Variants in MBD5 observed in about 807,000 individuals in gnomAD.
The protein encoded by MBD5 is methyl-CpG binding domain protein 5.
Under a neutral mutation model 117.3 loss-of-function variants are expected in MBD5, and 13 were observed. The observed-to-expected ratio is 0.11, with a 90% CI of 0.07 to 0.18. The LOEUF (loss-of-function observed/expected upper bound fraction) is 0.18. MBD5 is among the 10% of genes least tolerant of loss of function. MBD5 has a pLI of 1.00. For missense variants in MBD5, 1,879 were observed against 2,093.8 expected (o/e 0.90, Z 2.00); for synonymous variants, 727 against 766.4 (o/e 0.95, Z 0.85).
intron 4 of MBD5, among the ~76,000 whole-genome samples, chr2:148,344,624 T>C (rs1703040347): frequency 6.6e-6 from 1 of 151,972 alleles, no homozygotes; most frequent in Non-Finnish European, 1.5e-5. Context: ...AGCTTGAACA[T>C]TATTGGTGTA....
chr2:148,324,719 T>G (rs2106591556), intron 3 of MBD5, among the ~76,000 whole-genome samples: 1 of 152,310 alleles, frequency 6.6e-6, no homozygotes, highest in Admixed American at 6.5e-5. Flanking sequence ...GCTTATCAGC[T>G]TAAGGAGATT....
In MBD5 at chr2:148,238,378, C is replaced by G. The variant is rs540018261; in HGVS notation, c.-680+4983C>G. 5.3e-5 allele frequency among the ~76,000 whole-genome samples: 8 copies of G among 152,284 alleles called. No homozygotes were observed. The South Asian group carries it at 1.7e-3, about 32-fold the overall frequency. On this transcript the variant is annotated intron_variant, in intron 3 of 13. Coordinates refer to ENST00000642680, the MANE Select transcript of MBD5 (RefSeq NM_001378120.1). ...TGCATGGACTGTTCTAAAATTTTAA[C>G]TGAAGTCAACCACTATTATTTAGAG... is the stretch of plus-strand genomic sequence containing the variant.
At chr2:148,227,832 C>T (rs1699873615) in intron 2 of MBD5, among the ~76,000 whole-genome samples, 1 of 152,044 alleles carries the variant, frequency 6.6e-6, no homozygotes, top group South Asian at 2.1e-4. Flanking sequence ...TCCTTCACAT[C>T]CCTTGTAAGT....
chr2:148,386,260 A>G (rs2105483979), intron 4 of MBD5, among the ~76,000 whole-genome samples: 1 of 152,322 alleles, frequency 6.6e-6, no homozygotes, highest in Non-Finnish European at 1.5e-5. Flanking sequence ...ACATTCAGCC[A>G]ATGGGATCCA....
At chr2:148,102,664 TACACACACAC>T (rs113654978) in intron 1 of MBD5, among the ~76,000 whole-genome samples, 1 of 143,682 alleles carries the variant, frequency 7.0e-6, no homozygotes, top group East Asian at 2.1e-4. Context: ...TTGCTTATTT[TACACACACAC>T]ACACACACAC....
intron 1 of MBD5, among the ~76,000 whole-genome samples, chr2:148,146,296 T>C (rs1697462000): frequency 6.6e-6 from 1 of 152,130 alleles, no homozygotes; most frequent in Non-Finnish European, 1.5e-5. Context: ...GTCTTGCCCT[T>C]TTGCCCAGGC....
intron 3 of MBD5, chr2:148,296,230 C>A: frequency 5.3e-6 from 1 of 189,834 alleles, no homozygotes; most frequent in Non-Finnish European, 1.2e-5. Context: ...GTTTATCCTG[C>A]CTTCTCTCTT....
intron 1 of MBD5, among the ~76,000 whole-genome samples, chr2:148,126,977 CTTT>C (rs373037152): frequency 9.9e-5 from 13 of 130,730 alleles, no homozygotes; most frequent in Admixed American, 1.6e-4. Context: ...TTTTTTCTTT[CTTT>C]TTTTTTTTTT....
At chr2:148,386,718 C>CAAAAAAAA (rs60766324) in intron 4 of MBD5, among the ~76,000 whole-genome samples, 1 of 104,232 alleles carries the variant, frequency 9.6e-6, no homozygotes, top group Admixed American at 1.1e-4. Context: ...GACTCCGTCT[C>CAAAAAAAA]AAAAAAAAAA....
intron 3 of MBD5, among the ~76,000 whole-genome samples, chr2:148,284,901 G>A (rs1273795739): frequency 6.6e-6 from 1 of 152,110 alleles, no homozygotes; most frequent in African/African-American, 2.4e-5. Flanking sequence ...CATAAAGGTT[G>A]TCTACCCACA....
chr2:148,353,289 T>C (rs1213680105), intron 4 of MBD5, among the ~76,000 whole-genome samples: 1 of 152,134 alleles, frequency 6.6e-6, no homozygotes, highest in Non-Finnish European at 1.5e-5. Context: ...GAAGGGTGTA[T>C]ATGTGAGCAG....
intron 8 of MBD5, chr2:148,481,650 G>A (rs1338079731): frequency 6.6e-6 from 1 of 152,060 alleles, no homozygotes; most frequent in African/African-American, 2.4e-5. Context: ...AGTGATTATA[G>A]GTTCCTTTTC....
intron 1 of MBD5, among the ~76,000 whole-genome samples, chr2:148,120,734 G>T (rs1314929770): frequency 6.6e-6 from 1 of 152,102 alleles, no homozygotes; most frequent in Admixed American, 6.5e-5. Context: ...AATAAAGATT[G>T]ATTTAATTAT....
chr2:148,037,771 T>A (rs1694235241), intron 1 of MBD5, among the ~76,000 whole-genome samples: 1 of 151,966 alleles, frequency 6.6e-6, no homozygotes, highest in South Asian at 2.1e-4. Flanking sequence ...GTTCATTAAT[T>A]CAGTTACTCA....
intron 3 of MBD5, among the ~76,000 whole-genome samples, chr2:148,328,050 C>A (rs980556040): frequency 5.9e-5 from 9 of 152,014 alleles, no homozygotes; most frequent in Non-Finnish European, 1.0e-4. Flanking sequence ...TGTTAGTTTC[C>A]CTTCTAACAG....
At chr2:148,229,361 G>C (rs1201480871) in intron 2 of MBD5, among the ~76,000 whole-genome samples, 3 of 151,890 alleles carry the variant, frequency 2.0e-5, no homozygotes, top group Non-Finnish European at 4.4e-5. Flanking sequence ...CAATCTCTTT[G>C]TTAAGCTAAT....
chr2:148,151,481 C>T (rs1409205603), intron 1 of MBD5, among the ~76,000 whole-genome samples: 4 of 152,198 alleles, frequency 2.6e-5, no homozygotes, highest in African/African-American at 9.6e-5. Context: ...AGGATTCCCT[C>T]TTTTTCTATT....
intron 3 of MBD5, among the ~76,000 whole-genome samples, chr2:148,257,730 A>G (rs929118808): frequency 6.6e-6 from 1 of 152,208 alleles, no homozygotes; most frequent in Non-Finnish European, 1.5e-5. Context: ...TGGTGGGACT[A>G]TGCATATAGC....
At chr2:148,299,016 C>T (rs1701720054) in intron 3 of MBD5, among the ~76,000 whole-genome samples, 1 of 152,092 alleles carries the variant, frequency 6.6e-6, no homozygotes, top group South Asian at 2.1e-4. Context: ...CTTGATGGTC[C>T]CCCAGTTAAC....
Sources: gnomAD v4.1 joint callset for allele counts (sites outside exome capture counted in the v4.1 genomes callset) on GRCh38, gnomAD v4.1.1 for gene constraint, MANE v1.5 for transcripts, NCBI Gene and HGNC (gene_info 2026-07-23, HGNC 2026-07-21) for gene names.